The following DDHD1 variants were observed in gnomAD, a reference collection of about 807,000 sequenced individuals.
DDHD1 encodes phospholipase DDHD1.
In DDHD1, 49 loss-of-function variants were observed where a neutral mutation model predicts 96.4. The observed-to-expected ratio is 0.51, with a 90% confidence interval of 0.40 to 0.64. DDHD1 has a LOEUF of 0.64. Among genes scored for constraint, DDHD1 ranks in the 30% least tolerant of loss-of-function variants. The probability of loss-of-function intolerance (pLI) is 0.00; values close to 1 mark genes in which losing one functional copy is unlikely to be tolerated. For synonymous variants in DDHD1, 442 were observed against 446.5 expected, an observed-to-expected ratio of 0.99 and a Z score of 0.13; for missense variants, 1,106 against 1,161.2, an observed-to-expected ratio of 0.95 and a Z score of 0.69.
intron 1 of DDHD1, among the ~76,000 whole-genome samples, chr14:53,107,818 G>A (rs1887807763): frequency 2.6e-5 from 4 of 152,150 alleles, no homozygotes; most frequent in Admixed American, 2.6e-4. Flanking sequence ...GAAGGTGACT[G>A]CATCCACCTT....
intron 1 of DDHD1, among the ~76,000 whole-genome samples, chr14:53,135,400 C>A (rs1434671419): frequency 6.6e-6 from 1 of 152,210 alleles, no homozygotes; most frequent in Non-Finnish European, 1.5e-5. Flanking sequence ...CCGCTGCCTG[C>A]CTATCCCAAA....
chr14:53,112,551 T>A (rs1215962563), intron 1 of DDHD1, among the ~76,000 whole-genome samples: 1 of 152,208 alleles, frequency 6.6e-6, no homozygotes, highest in Non-Finnish European at 1.5e-5. Flanking sequence ...GGTGACTAAG[T>A]TTTTTGCATG....
intron 1 of DDHD1, among the ~76,000 whole-genome samples, chr14:53,130,933 T>C (rs1889819476): frequency 6.6e-6 from 1 of 152,200 alleles, no homozygotes; most frequent in South Asian, 2.1e-4. Context: ...ACTCTTACAG[T>C]GGAGGGTAAG....
At chr14:53,056,766 T>G (rs1405091884) in intron 9 of DDHD1, among the ~76,000 whole-genome samples, 1 of 152,182 alleles carries the variant, frequency 6.6e-6, no homozygotes, top group African/African-American at 2.4e-5. Context: ...TTTAACAAAG[T>G]ATTAATTTTT....
rs1881500413 is a variant in DDHD1 at position 53,039,581 on chromosome 14, C to T, written c.*7187G>A. On this transcript the variant is annotated 3_prime_UTR_variant, in exon 13 of 13. Transcript: ENST00000673822. ...ACATGGAATTGGCTAGGAGAGGATC[C>T]AAAAGGAGGGGAAACAGGATGCTGG... is the stretch of plus-strand genomic sequence containing the variant. The T allele has an allele frequency of 6.6e-6, 1 of 152,162 alleles. No homozygotes were observed. Among genetic ancestry groups the T allele is most frequent in the Non-Finnish European group, 1.5e-5 (1 of 68,078 alleles). The allele number at this position is 152,162 out of a possible 1,614,324, so 9.4% of individuals were successfully genotyped here. A position where few individuals can be genotyped will look rare whatever the true frequency, so the allele number is the denominator to read the frequency against.
chr14:53,094,988 T>C (rs934741116), intron 2 of DDHD1, among the ~76,000 whole-genome samples: 1 of 152,198 alleles, frequency 6.6e-6, no homozygotes, highest in Non-Finnish European at 1.5e-5. Flanking sequence ...CTTGACCATT[T>C]CTTATATATC....
intron 2 of DDHD1, among the ~76,000 whole-genome samples, chr14:53,094,265 A>G (rs1291021778): frequency 6.6e-6 from 1 of 152,214 alleles, no homozygotes; most frequent in Non-Finnish European, 1.5e-5. Flanking sequence ...GGAAAAAAAT[A>G]ATCTATTAGA....
chr14:53,103,670 C>A lies in DDHD1; in HGVS notation c.1012+13G>T. 6.3e-7 allele frequency: 1 copy of A among 1,596,524 alleles called. No homozygotes were observed. The highest frequency in any genetic ancestry group is 1.1e-5 in the South Asian group (1 of 88,300). The stretch of plus-strand genomic sequence containing the variant: ...GGTTTGTAGAATATATTAAATGTAT[C>A]AATTGATCTTACCATCTTTTCCATC... On this transcript the variant is annotated intron_variant, in intron 2 of 12. Transcript: ENST00000673822.
In DDHD1 at chr14:53,086,992, A is replaced by T. The variant is rs1886030599; in HGVS notation, c.1289+4793T>A. Among the ~76,000 whole-genome samples, 3 of 149,950 alleles carry T rather than the reference A, an allele frequency of 2.0e-5. No individual in the cohort carries two copies. The South Asian group carries it at 6.3e-4, about 31-fold the overall frequency. ...AAAAGCAAAAAAAAAAAAAAAAAAA[A>T]AAGCAGGGATTGCAATCCTAGTCTC... On this transcript the variant is annotated intron_variant, in intron 4 of 12. Transcript: ENST00000673822.
At chr14:53,125,702 A>AT (rs1195927962) in intron 1 of DDHD1, among the ~76,000 whole-genome samples, 6,119 of 139,872 alleles carry the variant, frequency 0.044, 376 homozygotes, top group African/African-American at 0.13. Context: ...TAAAAGATGG[A>AT]TTTTTTTTTT....
At chr14:53,121,922 T>TAAAAAA (rs10673927) in intron 1 of DDHD1, among the ~76,000 whole-genome samples, 2 of 146,192 alleles carry the variant, frequency 1.4e-5, no homozygotes, top group Non-Finnish European at 3.0e-5. Flanking sequence ...CCCAGAACGT[T>TAAAAAA]AAAAAAAAAA....
intron 1 of DDHD1, among the ~76,000 whole-genome samples, chr14:53,147,375 A>T (rs922661251): frequency 6.6e-6 from 1 of 152,256 alleles, no homozygotes; most frequent in Non-Finnish European, 1.5e-5. Flanking sequence ...GAGGTGGTTG[A>T]CAGGGGTAAG....
At chr14:53,121,224 A>G (rs1454968869) in intron 1 of DDHD1, among the ~76,000 whole-genome samples, 1 of 152,264 alleles carries the variant, frequency 6.6e-6, no homozygotes, top group African/African-American at 2.4e-5. Context: ...AATCAAAACT[A>G]CAATGAGATA....
In DDHD1 at chr14:53,063,124, C is replaced by G; in HGVS notation, c.1585G>C (p.Gly529Arg). Reference sequence around the variant, plus strand: ...GAATGTGATACTATTGAGACTTTACCCCCTTTTTCTTCAAAGTCTGGATTC... The same window carrying G: ...GAATGTGATACTATTGAGACTTTACGCCCTTTTTCTTCAAAGTCTGGATTC... Reference protein sequence around the residue: ...SRNPDFEEKGGKVSIVSHSLG... With the variant: ...SRNPDFEEKGRKVSIVSHSLG... The change falls in exon 7 of 13, where the codon GGT becomes CGT. Residue 529 changes from glycine to arginine, a missense_variant. Gly to Arg is a moderately radical substitution (Grantham distance 125). Transcript: ENST00000673822. 1 of 1,613,950 alleles carries G rather than the reference C, an allele frequency of 6.2e-7. No individual in the cohort carries two copies. Among genetic ancestry groups the G allele is most frequent in the Non-Finnish European group, 8.5e-7 (1 of 1,179,962 alleles).
chr14:53,037,672 A>G lies in DDHD1; in HGVS notation c.*9096T>C, dbSNP rs1881361305. The G allele has an allele frequency of 6.6e-6, 1 of 151,972 alleles. No homozygotes were observed. Among genetic ancestry groups the G allele is most frequent in the African/African-American group, 2.4e-5 (1 of 41,386 alleles). The allele number at this position is 151,972 out of a possible 1,614,324, so 9.4% of individuals were successfully genotyped here. A position where few individuals can be genotyped will look rare whatever the true frequency, so the allele number is the denominator to read the frequency against. On this transcript the variant is annotated 3_prime_UTR_variant, in exon 13 of 13. Transcript: ENST00000673822. ...GTCTAGTTTGCAAATATTTTCTCCAATTCTGTATGTTGTCTGTTTACTCTG... is the reference window on the plus strand; with the variant it reads ...GTCTAGTTTGCAAATATTTTCTCCAGTTCTGTATGTTGTCTGTTTACTCTG...
At chr14:53,093,220 A>G in intron 3 of DDHD1, 96 bp downstream of exon 3, 1 of 1,315,666 alleles carries the variant, frequency 7.6e-7, no homozygotes, top group Non-Finnish European at 1.0e-6. Flanking sequence ...TATACTTAAA[A>G]CATACTAAAA....
Position 53,132,011 on chromosome 14 carries a change from C to T in DDHD1, c.838+20250G>A, listed in dbSNP as rs553488448. The stretch of plus-strand genomic sequence containing the variant: ...CTTCCTAGGCATGGTTAGGTACTTT[C>T]GCCTTTAGATACCTAGTTTTGCCAT... On this transcript the variant is annotated intron_variant, in intron 1 of 12. Coordinates refer to ENST00000673822, the MANE Select transcript of DDHD1 (RefSeq NM_001160148.2). Among the ~76,000 whole-genome samples, 27 of 152,258 alleles carry T rather than the reference C, an allele frequency of 1.8e-4. 1 individual carries two copies. Among genetic ancestry groups the T allele is most frequent in the South Asian group, 8.3e-4 (4 of 4,824 alleles).
chr14:53,109,996 G>T (rs565542141), intron 1 of DDHD1, among the ~76,000 whole-genome samples: 6 of 152,208 alleles, frequency 3.9e-5, no homozygotes, highest in Admixed American at 1.3e-4. Flanking sequence ...TTAGCTTCCT[G>T]GAAAAAAATT....
Position 53,080,451 on chromosome 14 carries a change from G to A in DDHD1, c.1290-6604C>T, listed in dbSNP as rs189081174. 3.1e-3 allele frequency among the ~76,000 whole-genome samples: 469 copies of A among 152,158 alleles called. 7 individuals are homozygous for A. The highest frequency in any genetic ancestry group is 0.028 in the Admixed American group (426 of 15,278). ...ATATCTTTAGCCCATTTTCCTATAA[G>A]GTGGTTGAACATATTTTTATTTTTA... On this transcript the variant is annotated intron_variant, in intron 4 of 12. Transcript: ENST00000673822.
Sources: allele counts gnomAD v4.1 joint callset (sites outside exome capture counted in the v4.1 genomes callset), GRCh38; gene constraint gnomAD v4.1.1; transcripts MANE v1.5; gene names NCBI Gene and HGNC (gene_info 2026-07-23, HGNC 2026-07-21).